Variants in FHIP1A observed in about 807,000 individuals in gnomAD.
The protein encoded by FHIP1A is FHF complex subunit HOOK interacting protein 1A.
Under a neutral mutation model 88.6 loss-of-function variants are expected in FHIP1A, and 61 were observed. The ratio of observed to expected loss-of-function variants is 0.69; its 90% confidence interval spans 0.56 to 0.85. The LOEUF is 0.85. Ranked by LOEUF, FHIP1A falls within the 40% of genes least tolerant of loss-of-function variation. The pLI, the probability that FHIP1A is intolerant of heterozygous loss-of-function variation, is 0.00. For missense variants in FHIP1A, 1,154 were observed against 1,273.5 expected (o/e 0.91, Z 1.43); for synonymous variants, 478 against 496.0 (o/e 0.96, Z 0.48).
At chr4:151,410,259 A>G (rs556052895) in intron 1 of FHIP1A, among the ~76,000 whole-genome samples, 2 of 152,360 alleles carry the variant, frequency 1.3e-5, no homozygotes, top group South Asian at 4.1e-4. Flanking sequence ...ACTATTCAGC[A>G]GATGCTGCAG....
chr4:151,485,047 A>AAAT (rs368955270), intron 3 of FHIP1A, among the ~76,000 whole-genome samples: 1 of 152,318 alleles, frequency 6.6e-6, no homozygotes, highest in African/African-American at 2.4e-5. Flanking sequence ...AATAACACAA[A>AAAT]AATATACCTA....
chr4:151,429,020 G>T (rs1733491526), intron 1 of FHIP1A, among the ~76,000 whole-genome samples: 1 of 152,022 alleles, frequency 6.6e-6, no homozygotes, highest in African/African-American at 2.4e-5. Context: ...TAATTTATAT[G>T]CTTACATAAA....
chr4:151,482,036 C>G (rs994951637), intron 2 of FHIP1A, among the ~76,000 whole-genome samples: 1 of 152,048 alleles, frequency 6.6e-6, no homozygotes, highest in Admixed American at 6.6e-5. Flanking sequence ...CGTTGGATGG[C>G]GAAAACCTGA....
chr4:151,423,624 AATAAG>A (rs1159821170), intron 1 of FHIP1A, among the ~76,000 whole-genome samples: 6 of 152,224 alleles, frequency 3.9e-5, no homozygotes, highest in African/African-American at 1.4e-4. Context: ...ATGAGGGTTA[AATAAG>A]ATAACACATG....
At chr4:151,441,132 A>G (rs898255050) in intron 1 of FHIP1A, among the ~76,000 whole-genome samples, 3 of 152,020 alleles carry the variant, frequency 2.0e-5, no homozygotes, top group African/African-American at 7.2e-5. Context: ...TGCTTTCCTC[A>G]CTTATGATAA....
intron 3 of FHIP1A, among the ~76,000 whole-genome samples, chr4:151,511,523 T>C (rs1361420760): frequency 1.3e-5 from 2 of 152,220 alleles, no homozygotes; most frequent in Non-Finnish European, 2.9e-5. Flanking sequence ...GGGAGTTCCC[T>C]TTCCTAGTCA....
intron 3 of FHIP1A, among the ~76,000 whole-genome samples, chr4:151,526,442 C>A (rs1359869355): frequency 2.7e-5 from 4 of 146,928 alleles, no homozygotes; most frequent in Admixed American, 6.7e-5. Flanking sequence ...GGGGGCTGAC[C>A]CCCCCACCTC....
At chr4:151,652,376 G>A (rs772622600) in intron 11 of FHIP1A, among the ~76,000 whole-genome samples, 20 of 152,142 alleles carry the variant, frequency 1.3e-4, no homozygotes, top group Admixed American at 3.3e-4. Flanking sequence ...CCAAACTTCT[G>A]AGTGTGTTCT....
chr4:151,416,818 CTG>C (rs1173620000), intron 1 of FHIP1A, among the ~76,000 whole-genome samples: 1 of 151,988 alleles, frequency 6.6e-6, no homozygotes, highest in Non-Finnish European at 1.5e-5. Context: ...GGGTCTCACT[CTG>C]TCATCCAGGC....
At chr4:151,637,240 T>C (rs1457488484) in intron 8 of FHIP1A, among the ~76,000 whole-genome samples, 1 of 152,132 alleles carries the variant, frequency 6.6e-6, no homozygotes, top group Non-Finnish European at 1.5e-5. Context: ...AGTAAATCCT[T>C]GTAGCCTTGA....
At chr4:151,598,947 A>G (rs1215150487) in intron 7 of FHIP1A, among the ~76,000 whole-genome samples, 1 of 152,214 alleles carries the variant, frequency 6.6e-6, no homozygotes, top group Non-Finnish European at 1.5e-5. Flanking sequence ...AAAAAACAGT[A>G]ATGTATTTGA....
At chr4:151,553,409 G>A (rs1044951621) in intron 3 of FHIP1A, among the ~76,000 whole-genome samples, 2 of 152,150 alleles carry the variant, frequency 1.3e-5, no homozygotes, top group African/African-American at 2.4e-5. Context: ...AATGTTTTGA[G>A]TCTGCATTTT....
intron 3 of FHIP1A, among the ~76,000 whole-genome samples, chr4:151,560,001 A>T (rs1215671636): frequency 6.6e-6 from 1 of 152,194 alleles, no homozygotes; most frequent in Non-Finnish European, 1.5e-5. Flanking sequence ...CCATGAATGC[A>T]TCTTTAAAGT....
intron 9 of FHIP1A, among the ~76,000 whole-genome samples, chr4:151,639,000 A>G (rs1736470998): frequency 1.3e-5 from 2 of 152,198 alleles, no homozygotes; most frequent in African/African-American, 4.8e-5. Flanking sequence ...TATTGTAAAT[A>G]TGCTCCTGGA....
At chr4:151,611,085 A>ATG (rs780742184) in intron 7 of FHIP1A, among the ~76,000 whole-genome samples, 53 of 151,380 alleles carry the variant, frequency 3.5e-4, no homozygotes, top group South Asian at 8.3e-4. Flanking sequence ...GTGTGTATGT[A>ATG]TGTGTGTGTG....
At chr4:151,413,708 G>A (rs748575706) in intron 1 of FHIP1A, among the ~76,000 whole-genome samples, 11 of 152,000 alleles carry the variant, frequency 7.2e-5, no homozygotes, top group Non-Finnish European at 1.6e-4. Flanking sequence ...GCCTGCCTCA[G>A]TCTCCCAAAG....
intron 1 of FHIP1A, among the ~76,000 whole-genome samples, chr4:151,446,483 C>CTT (rs1728607217): frequency 1.1e-5 from 1 of 93,566 alleles, no homozygotes; most frequent in African/African-American, 4.1e-5. Flanking sequence ...CTTTCCTTTT[C>CTT]CTTTTTTTTT....
chr4:151,487,394 A>G (rs955159180), intron 3 of FHIP1A, among the ~76,000 whole-genome samples: 1 of 151,526 alleles, frequency 6.6e-6, no homozygotes, highest in Non-Finnish European at 1.5e-5. Flanking sequence ...TCTCACCCAC[A>G]TGTTCTTCCC....
At chr4:151,579,384 C>G (rs1429223953) in intron 5 of FHIP1A, among the ~76,000 whole-genome samples, 4 of 152,148 alleles carry the variant, frequency 2.6e-5, no homozygotes, top group Admixed American at 2.6e-4. Context: ...GTACCTTCCT[C>G]TCAGTTTTGT....
Sources: allele counts gnomAD v4.1 joint callset (sites outside exome capture counted in the v4.1 genomes callset), GRCh38; gene constraint gnomAD v4.1.1; transcripts MANE v1.5; gene names NCBI Gene and HGNC (gene_info 2026-07-23, HGNC 2026-07-21).